The following KIAA0825 variants were observed in gnomAD, a reference collection of about 807,000 sequenced individuals.
KIAA0825 encodes the protein KIAA0825.
Under a neutral mutation model 147.6 loss-of-function variants are expected in KIAA0825, and 119 were observed. The ratio of observed to expected loss-of-function variants is 0.81; its 90% CI spans 0.69 to 0.94. The LOEUF (loss-of-function observed/expected upper bound fraction) is 0.94. Among genes scored for constraint, KIAA0825 ranks in the 40% least tolerant of loss-of-function variants. The probability of loss-of-function intolerance (pLI) is 0.00; values close to 1 mark genes in which losing one functional copy is unlikely to be tolerated. For synonymous variants in KIAA0825, 470 were observed against 518.1 expected (o/e 0.91, Z 1.26); for missense variants, 1,381 against 1,472.7 (o/e 0.94, Z 1.02).
chr5:94,400,250 GA>G (rs1751208927), intron 16 of KIAA0825, among the ~76,000 whole-genome samples: 1 of 152,050 alleles, frequency 6.6e-6, no homozygotes. Context: ...ATATTTTTAA[GA>G]AAAGCATTCA....
chr5:94,368,452 G>T (rs1746187703), intron 20 of KIAA0825, among the ~76,000 whole-genome samples: 1 of 152,172 alleles, frequency 6.6e-6, no homozygotes, highest in Admixed American at 6.5e-5. Context: ...GGGATTACAG[G>T]TGTGAGCCAC....
At chr5:94,556,487 CTTAAA>C (rs1196862320) in intron 2 of KIAA0825, among the ~76,000 whole-genome samples, 4 of 152,134 alleles carry the variant, frequency 2.6e-5, no homozygotes, top group African/African-American at 9.7e-5. Flanking sequence ...ATTTAAAGTT[CTTAAA>C]TTAAGTTCCA....
intron 20 of KIAA0825, among the ~76,000 whole-genome samples, chr5:94,214,507 C>T (rs544133192): frequency 6.6e-5 from 10 of 152,076 alleles, no homozygotes; most frequent in Non-Finnish European, 1.2e-4. Flanking sequence ...CTGAAGTGTT[C>T]GACTGACTTT....
chr5:94,391,858 A>G (rs1749945150), intron 17 of KIAA0825, among the ~76,000 whole-genome samples, 164 bp from the exon 18 acceptor site: 2 of 152,178 alleles, frequency 1.3e-5, no homozygotes, highest in South Asian at 4.1e-4. Context: ...CCACTCACAT[A>G]AACAGCACCT....
chr5:94,311,435 A>T (rs931183497), intron 20 of KIAA0825, among the ~76,000 whole-genome samples: 1 of 151,616 alleles, frequency 6.6e-6, no homozygotes, highest in South Asian at 2.1e-4. Context: ...TAAAATGAAA[A>T]TTCAAAAAGG....
Position 94,366,438 on chromosome 5 carries a change from T to G in KIAA0825, c.3710+17930A>C, listed in dbSNP as rs2150428988. Among the ~76,000 whole-genome samples the G allele has an allele frequency of 2.0e-5, 3 of 152,218 alleles. No homozygotes were observed. The East Asian group carries it at 5.8e-4, about 30-fold the overall frequency. On this transcript the variant is annotated intron_variant, in intron 20 of 20. Transcript: ENST00000682413. ...TCTCATTTCTGCTTCTTCTCCTTGG[T>G]CCTCCTCACCCACGTCCTCCTTTTG...
intron 12 of KIAA0825, among the ~76,000 whole-genome samples, chr5:94,453,436 C>T (rs747655534): frequency 2.0e-5 from 3 of 151,096 alleles, no homozygotes; most frequent in Non-Finnish European, 2.9e-5. Context: ...ATCCACCCGC[C>T]TTGGCCTCTC....
intron 1 of KIAA0825, among the ~76,000 whole-genome samples, chr5:94,613,016 CATT>C (rs1435361810): frequency 1.3e-5 from 2 of 152,156 alleles, no homozygotes; most frequent in Non-Finnish European, 2.9e-5. Flanking sequence ...TCAAGGCTAT[CATT>C]ATATGTTCAT....
intron 2 of KIAA0825, among the ~76,000 whole-genome samples, chr5:94,565,538 C>A (rs954635793): frequency 1.3e-5 from 2 of 151,864 alleles, no homozygotes; most frequent in Non-Finnish European, 2.9e-5. Flanking sequence ...GATGGGGTTT[C>A]ACCATGTTGG....
At position 94,473,475 on chromosome 5, in the gene KIAA0825, C is replaced by A; in HGVS notation, c.1272G>T (p.Val424=). 2 of 1,551,716 alleles carry A rather than the reference C, an allele frequency of 1.3e-6. No homozygotes were observed. Among genetic ancestry groups the A allele is most frequent in the South Asian group, 1.2e-5 (1 of 84,060 alleles). ...DFGWRSAFKE[V]SLPMAHCVVT... is the part of the protein sequence containing the mutation. ...CTACGCAGTGCGCCATGGGAAGAGA[C>A]ACTTCTTTAAATGCACTTCTCCAGC... The change falls in exon 8 of 21, where the codon GTG becomes GTT. Residue 424 remains valine (V), a synonymous_variant. Coordinates refer to ENST00000682413, the MANE Select transcript of KIAA0825 (RefSeq NM_001145678.3).
intron 2 of KIAA0825, among the ~76,000 whole-genome samples, chr5:94,549,728 A>T (rs1198459436): frequency 6.6e-6 from 1 of 152,162 alleles, no homozygotes; most frequent in Non-Finnish European, 1.5e-5. Context: ...AAAAACAAAA[A>T]CAAAAACAAA....
At chr5:94,321,238 A>T (rs1227688728) in intron 20 of KIAA0825, among the ~76,000 whole-genome samples, 1 of 152,014 alleles carries the variant, frequency 6.6e-6, no homozygotes. Flanking sequence ...TTGCACAAAT[A>T]CTAAAGCCCT....
At chr5:94,202,984 C>T (rs1304580817) in intron 20 of KIAA0825, among the ~76,000 whole-genome samples, 1 of 152,190 alleles carries the variant, frequency 6.6e-6, no homozygotes, top group Non-Finnish European at 1.5e-5. Flanking sequence ...TTTCTTAGAA[C>T]TGTACCCCTA....
chr5:94,258,936 T>C (rs1223362330), intron 20 of KIAA0825, among the ~76,000 whole-genome samples: 1 of 152,032 alleles, frequency 6.6e-6, no homozygotes, highest in Non-Finnish European at 1.5e-5. Flanking sequence ...ACTCCATTGG[T>C]AGCTCCATGC....
At chr5:94,388,564 A>G (rs1298631784) in intron 18 of KIAA0825, among the ~76,000 whole-genome samples, 2 of 152,202 alleles carry the variant, frequency 1.3e-5, no homozygotes, top group African/African-American at 4.8e-5. Context: ...TTTATTGACA[A>G]AAAAGCTTTG....
intron 20 of KIAA0825, among the ~76,000 whole-genome samples, chr5:94,194,678 C>A (rs988787655): frequency 1.3e-5 from 2 of 152,196 alleles, no homozygotes; most frequent in African/African-American, 4.8e-5. Context: ...TTCCTTGCTG[C>A]TGCTTTTACC....
intron 5 of KIAA0825, among the ~76,000 whole-genome samples, chr5:94,501,307 A>G (rs958866736): frequency 2.0e-5 from 3 of 152,262 alleles, no homozygotes; most frequent in Non-Finnish European, 2.9e-5. Flanking sequence ...AATAAAGATA[A>G]TAACAAAGCA....
At chr5:94,276,107 C>T (rs1439573456) in intron 20 of KIAA0825, among the ~76,000 whole-genome samples, 1 of 152,070 alleles carries the variant, frequency 6.6e-6, no homozygotes, top group Non-Finnish European at 1.5e-5. Context: ...TCTCTGGAAG[C>T]ACACCAGGAA....
chr5:94,407,757 G>A (rs1343435753), intron 15 of KIAA0825, among the ~76,000 whole-genome samples: 2 of 152,118 alleles, frequency 1.3e-5, no homozygotes, highest in African/African-American at 4.8e-5. Context: ...TGGTGCTGAT[G>A]GTTGCACAGT....
Sources: allele counts gnomAD v4.1 joint callset (sites outside exome capture counted in the v4.1 genomes callset), GRCh38; gene constraint gnomAD v4.1.1; transcripts MANE v1.5; gene names NCBI Gene and HGNC (gene_info 2026-07-23, HGNC 2026-07-21).